Variants in PRKG1 observed in about 807,000 individuals in gnomAD.
The protein encoded by PRKG1 is cGMP-dependent protein kinase 1.
PRKG1 carries 35 observed loss-of-function variants against 88.1 expected under a neutral mutation model. The observed-to-expected ratio is 0.40, with a 90% CI of 0.30 to 0.53. The LOEUF is 0.53. PRKG1 is among the 20% of genes least tolerant of loss of function. The probability of loss-of-function intolerance (pLI) is 0.59; values close to 1 mark genes in which losing one functional copy is unlikely to be tolerated. For synonymous variants in PRKG1, 303 were observed against 292.5 expected, an observed-to-expected ratio of 1.04 and a Z score of -0.37; for missense variants, 540 against 839.8, an observed-to-expected ratio of 0.64 and a Z score of 4.41.
intron 4 of PRKG1, among the ~76,000 whole-genome samples, chr10:51,805,118 C>T (rs1010189953): frequency 6.6e-6 from 1 of 152,070 alleles, no homozygotes; most frequent in Non-Finnish European, 1.5e-5. Flanking sequence ...GCCGAGTCAT[C>T]TCTTGTGTGA....
intron 5 of PRKG1, among the ~76,000 whole-genome samples, chr10:52,032,565 T>C (rs1405632720): frequency 1.3e-5 from 2 of 152,196 alleles, no homozygotes; most frequent in African/African-American, 4.8e-5. Context: ...AAAGTGAATA[T>C]TTATAGTTAA....
chr10:51,287,904 A>G (rs1840482978), intron 2 of PRKG1, among the ~76,000 whole-genome samples: 1 of 152,202 alleles, frequency 6.6e-6, no homozygotes, highest in Admixed American at 6.5e-5. Context: ...CCTACAGCAT[A>G]AGATAATTGG....
chr10:51,558,668 T>C (rs1424898196), intron 3 of PRKG1, among the ~76,000 whole-genome samples: 1 of 152,114 alleles, frequency 6.6e-6, no homozygotes, highest in Admixed American at 6.6e-5. Context: ...GGTTTCATGA[T>C]ACAACTATGT....
rs541418913 is a variant in PRKG1 at position 51,956,950 on chromosome 10, T to TTTCC, written c.762+49398_762+49401dup. Among the ~76,000 whole-genome samples the TTTCC allele has an allele frequency of 9.1e-4, 138 of 151,922 alleles. 1 individual carries two copies. Among genetic ancestry groups the TTTCC allele is most frequent in the African/African-American group, 3.0e-3 (124 of 41,464 alleles). Reference sequence around the variant, plus strand: ...TAAATTGTGGGACAAATTTTCTTTCTTTCCTTCCTTCCTTCCTTCCTCTTT... The same window carrying TTTCC: ...TAAATTGTGGGACAAATTTTCTTTCTTTCCTTCCTTCCTTCCTTCCTTCCTCTTT... On this transcript the variant is annotated intron_variant, in intron 5 of 17. Transcript: ENST00000373980.
In PRKG1 at chr10:52,115,867, T is replaced by C. The variant is rs532449595; in HGVS notation, c.936-17973T>C. Among the ~76,000 whole-genome samples the C allele has an allele frequency of 6.6e-5, 10 of 152,248 alleles. No homozygotes were observed. The East Asian group carries it at 1.7e-3, about 26-fold the overall frequency. ...GTAAAATACAGGATACCTGGTTAAA[T>C]TTGAATTTTAGATATTCAGAGAAAA... On this transcript the variant is annotated intron_variant, in intron 7 of 17. Coordinates refer to ENST00000373980, the MANE Select transcript of PRKG1 (RefSeq NM_006258.4).
At chr10:51,463,531 T>G (rs1435404575) in intron 2 of PRKG1, among the ~76,000 whole-genome samples, 2 of 152,074 alleles carry the variant, frequency 1.3e-5, no homozygotes, top group Non-Finnish European at 1.5e-5. Flanking sequence ...AGTATAAAAC[T>G]AAAGGAATGG....
At chr10:51,833,585 A>G (rs1175276375) in intron 4 of PRKG1, among the ~76,000 whole-genome samples, 1 of 152,170 alleles carries the variant, frequency 6.6e-6, no homozygotes, top group Non-Finnish European at 1.5e-5. Flanking sequence ...TAATAATTGT[A>G]TATGTTTATG....
intron 4 of PRKG1, among the ~76,000 whole-genome samples, chr10:51,883,479 T>G (rs915952658): frequency 6.6e-6 from 1 of 152,250 alleles, no homozygotes; most frequent in Non-Finnish European, 1.5e-5. Flanking sequence ...AAGCAAGTTT[T>G]GTATTTCAAT....
At chr10:51,421,941 A>G (rs1235691303) in intron 2 of PRKG1, among the ~76,000 whole-genome samples, 2 of 152,246 alleles carry the variant, frequency 1.3e-5, no homozygotes, top group Admixed American at 6.5e-5. Context: ...GTAAAATCAT[A>G]CAATTTGGAG....
At chr10:52,151,225 C>T (rs992335533) in intron 8 of PRKG1, among the ~76,000 whole-genome samples, 1 of 152,070 alleles carries the variant, frequency 6.6e-6, no homozygotes, top group Non-Finnish European at 1.5e-5. Context: ...TTCTGCTGCT[C>T]ACCCTCCTCT....
At chr10:51,130,217 A>G (rs1845530737) in intron 1 of PRKG1, among the ~76,000 whole-genome samples, 1 of 152,110 alleles carries the variant, frequency 6.6e-6, no homozygotes, top group Non-Finnish European at 1.5e-5. Context: ...CCATTCTCTA[A>G]CAGAGAAGTT....
chr10:51,261,344 A>C (rs1701029611), intron 2 of PRKG1, among the ~76,000 whole-genome samples: 1 of 152,210 alleles, frequency 6.6e-6, no homozygotes, highest in African/African-American at 2.4e-5. Context: ...CTCCAGATTA[A>C]TTTTGTTTGG....
At chr10:52,007,379 A>G (rs1844764554) in intron 5 of PRKG1, among the ~76,000 whole-genome samples, 1 of 137,938 alleles carries the variant, frequency 7.2e-6, no homozygotes, top group Admixed American at 7.0e-5. Flanking sequence ...TCTTCAAGAG[A>G]CCCACCTCAT....
chr10:51,649,589 G>T (rs895590401), intron 3 of PRKG1, among the ~76,000 whole-genome samples: 5 of 152,204 alleles, frequency 3.3e-5, no homozygotes, highest in Non-Finnish European at 5.9e-5. Context: ...AGTCGTGACT[G>T]CAAGTTGCCC....
At chr10:51,429,594 G>A (rs546668454) in intron 2 of PRKG1, among the ~76,000 whole-genome samples, 3 of 152,228 alleles carry the variant, frequency 2.0e-5, no homozygotes, top group Admixed American at 6.5e-5. Flanking sequence ...ATTAAAGTAT[G>A]ACAGCAATGA....
At position 51,296,049 on chromosome 10, in the gene PRKG1, T is replaced by A. The variant is rs573888460; in HGVS notation, c.478+142719T>A. 5.3e-5 allele frequency among the ~76,000 whole-genome samples: 8 copies of A among 152,292 alleles called. No individual in the cohort carries two copies. In the East Asian group the frequency reaches 1.2e-3, roughly 22 times the overall value. The stretch of plus-strand genomic sequence containing the variant: ...CCACTTGGTCACGGTGTATGATCCT[T>A]TTAATGTTCTGTTGAATGCTGTTTG... On this transcript the variant is annotated intron_variant, in intron 2 of 17. Transcript: ENST00000373980.
chr10:51,756,452 AC>A (rs1837862850), intron 3 of PRKG1, among the ~76,000 whole-genome samples: 1 of 148,112 alleles, frequency 6.8e-6, no homozygotes, highest in African/African-American at 2.5e-5. Flanking sequence ...GTGCCACTGC[AC>A]TCCAGCATGG....
At chr10:51,187,286 G>A (rs908554234) in intron 2 of PRKG1, among the ~76,000 whole-genome samples, 7 of 151,736 alleles carry the variant, frequency 4.6e-5, no homozygotes, top group African/African-American at 1.5e-4. Flanking sequence ...ATGTGTAAAA[G>A]GAACTTTTAA....
rs140948590 is a variant in PRKG1 at position 52,255,146 on chromosome 10, G to A, written c.1173+3480G>A. On this transcript the variant is annotated intron_variant, in intron 10 of 17. Coordinates refer to ENST00000373980, the MANE Select transcript of PRKG1 (RefSeq NM_006258.4). ...ATTTATAGTATCACTTTCAGCAAAA[G>A]AACTCAGCTCTCTTTTTATATATGA... 2.9e-3 allele frequency among the ~76,000 whole-genome samples: 447 copies of A among 152,182 alleles called. 2 individuals are homozygous for A. Among genetic ancestry groups the A allele is most frequent in the African/African-American group, 0.01 (422 of 41,560 alleles).
Sources: allele counts gnomAD v4.1 joint callset (sites outside exome capture counted in the v4.1 genomes callset), GRCh38; gene constraint gnomAD v4.1.1; transcripts MANE v1.5; gene names NCBI Gene and HGNC (gene_info 2026-07-23, HGNC 2026-07-21).